MYO16: variants seen among roughly 807,000 people sequenced by gnomAD.
MYO16 encodes the protein unconventional myosin-XVI.
MYO16 carries 94 observed loss-of-function variants against 205.3 expected under a neutral mutation model. The observed-to-expected ratio is 0.46, with a 90% CI of 0.39 to 0.54. The LOEUF is 0.54. Among genes scored for constraint, MYO16 ranks in the 20% least tolerant of loss-of-function variants. The pLI is 0.00. For missense variants in MYO16, 2,315 were observed against 2,387.5 expected (o/e 0.97, Z 0.63); for synonymous variants, 988 against 954.0 (o/e 1.04, Z -0.66).
At position 108,706,486 on chromosome 13, in the gene MYO16, T is replaced by G. The variant is rs377206826; in HGVS notation, c.293-6175T>G. Among the ~76,000 whole-genome samples the G allele has an allele frequency of 2.1e-3, 326 of 152,270 alleles. 11 individuals carry two copies. In the South Asian group the frequency reaches 0.065, roughly 30 times the overall value. On this transcript the variant is annotated intron_variant, in intron 2 of 34. Transcript: ENST00000457511. ...GGTTTTCAGAACAAATTCAAGATAT[T>G]TAGCCAGTGATTCAAGAAGCACTGC...
intron 31 of MYO16, among the ~76,000 whole-genome samples, chr13:109,131,590 T>G (rs1305815880): frequency 2.6e-5 from 4 of 152,246 alleles, no homozygotes; most frequent in Non-Finnish European, 4.4e-5. Flanking sequence ...TTGTTACATA[T>G]GTATGCATGT....
At chr13:108,927,872 A>G (rs1882080853) in intron 16 of MYO16, among the ~76,000 whole-genome samples, 1 of 152,222 alleles carries the variant, frequency 6.6e-6, no homozygotes, top group African/African-American at 2.4e-5. Flanking sequence ...CACCGGGCCA[A>G]CGCGTGCACC....
chr13:108,808,696 A>G (rs1887191998), intron 7 of MYO16, among the ~76,000 whole-genome samples: 1 of 152,072 alleles, frequency 6.6e-6, no homozygotes, highest in Admixed American at 6.5e-5. Context: ...GATCAGCCAG[A>G]TAAAATTTGT....
At chr13:108,616,216 G>C (rs1248140040) in intron 1 of MYO16, among the ~76,000 whole-genome samples, 3 of 152,134 alleles carry the variant, frequency 2.0e-5, no homozygotes, top group Non-Finnish European at 4.4e-5. Flanking sequence ...TTTTTAAATT[G>C]AATATTTGAA....
chr13:108,842,328 A>G (rs1446673129), intron 9 of MYO16, among the ~76,000 whole-genome samples: 5 of 152,182 alleles, frequency 3.3e-5, no homozygotes, highest in Non-Finnish European at 7.4e-5. Context: ...ACTTAGGTAT[A>G]TATACATATA....
chr13:108,689,173 T>C (rs1392327711), intron 2 of MYO16, among the ~76,000 whole-genome samples: 7 of 152,198 alleles, frequency 4.6e-5, no homozygotes, highest in African/African-American at 1.4e-4. Flanking sequence ...CAATTTGCTT[T>C]TCAAATTGAA....
chr13:108,547,900 G>T, the MYO16 span, among the ~76,000 whole-genome samples: 12 of 152,100 alleles, frequency 7.9e-5, no homozygotes, highest in Non-Finnish European at 1.8e-4. Context: ...CTTCCCTCTA[G>T]TTAAGATACA....
chr13:108,820,440 G>T (rs1875906201), intron 8 of MYO16, 28 bp downstream of exon 8: 1 of 1,554,088 alleles, frequency 6.4e-7, no homozygotes. Context: ...TTGGACCATT[G>T]AGCAGGTACT....
At chr13:109,133,230 C>G (rs1315095786) in intron 31 of MYO16, among the ~76,000 whole-genome samples, 1 of 152,194 alleles carries the variant, frequency 6.6e-6, no homozygotes, top group Non-Finnish European at 1.5e-5. Context: ...AATTAAGCAT[C>G]TTTTTTGTCC....
the MYO16 span, among the ~76,000 whole-genome samples, chr13:108,566,733 GGGAGGAAGGA>G: frequency 5.7e-5 from 7 of 122,516 alleles, no homozygotes; most frequent in East Asian, 4.8e-4. Flanking sequence ...AAGGAAGGAA[GGGAGGAAGGA>G]AGGAAGGAAG....
At chr13:108,559,247 G>A in the MYO16 span, among the ~76,000 whole-genome samples, 1 of 152,018 alleles carries the variant, frequency 6.6e-6, no homozygotes, top group Non-Finnish European at 1.5e-5. Flanking sequence ...AGCACTCTGC[G>A]TGACCACAGA....
intron 34 of MYO16, among the ~76,000 whole-genome samples, chr13:109,198,586 G>A (rs1198483698): frequency 5.3e-5 from 8 of 152,088 alleles, no homozygotes; most frequent in Admixed American, 1.3e-4. Context: ...GCCATAAATC[G>A]TGAGAAGTGC....
the MYO16 span, among the ~76,000 whole-genome samples, chr13:108,503,853 TA>T: frequency 6.6e-6 from 1 of 152,140 alleles, no homozygotes; most frequent in African/African-American, 2.4e-5. Context: ...ACCTAGTATT[TA>T]AAAAAAGCCA....
chr13:108,942,133 CA>C (rs1882756791), intron 16 of MYO16, among the ~76,000 whole-genome samples: 1 of 152,208 alleles, frequency 6.6e-6, no homozygotes, highest in South Asian at 2.1e-4. Flanking sequence ...TTGATTGTGA[CA>C]GTGCAGCTGG....
chr13:109,164,882 T>G lies in MYO16; in HGVS notation c.5165-19T>G, dbSNP rs1391679712. 6.7e-7 allele frequency: 1 copy of G among 1,495,154 alleles called. No homozygotes were observed. The highest frequency in any genetic ancestry group is 9.1e-7 in the Non-Finnish European group (1 of 1,102,594). The allele number at this position is 1,495,154 out of a possible 1,614,324, so 92.6% of individuals were successfully genotyped here. ...ACATGTTATCAGAAAATAATTATGT[T>G]TTCTAAAATTTATTTTAGGTTTTGA... is the stretch of plus-strand genomic sequence containing the variant. On this transcript the variant is annotated intron_variant, in intron 32 of 34. Transcript: ENST00000457511.
chr13:108,624,254 C>T (rs1435027624), intron 1 of MYO16, among the ~76,000 whole-genome samples: 1 of 152,138 alleles, frequency 6.6e-6, no homozygotes, highest in Non-Finnish European at 1.5e-5. Context: ...AACATTTCAG[C>T]CTGGTGTCCC....
chr13:108,766,858 G>A (rs1050802301), intron 4 of MYO16, among the ~76,000 whole-genome samples: 2 of 152,188 alleles, frequency 1.3e-5, no homozygotes, highest in Non-Finnish European at 2.9e-5. Context: ...GGGCAGAGCT[G>A]TGAAAAATGC....
chr13:108,711,209 A>G (rs1048896064), intron 2 of MYO16, among the ~76,000 whole-genome samples: 6 of 152,246 alleles, frequency 3.9e-5, no homozygotes, highest in African/African-American at 1.2e-4. Context: ...AACAGCAGAG[A>G]AAGAAGATAA....
intron 8 of MYO16, 146 bp downstream of exon 8, chr13:108,820,558 A>G: frequency 6.1e-6 from 4 of 657,404 alleles, no homozygotes; most frequent in South Asian, 1.8e-5. Context: ...TTCAAGCACA[A>G]TTCATCATCG....
Sources: allele counts gnomAD v4.1 joint callset (sites outside exome capture counted in the v4.1 genomes callset), GRCh38; gene constraint gnomAD v4.1.1; transcripts MANE v1.5; gene names NCBI Gene and HGNC (gene_info 2026-07-23, HGNC 2026-07-21).